TASP1: variants seen among roughly 807,000 people sequenced by gnomAD.
The protein encoded by TASP1 is threonine aspartase 1.
In TASP1, 16 loss-of-function variants were observed where a neutral mutation model predicts 56.6. The ratio of observed to expected loss-of-function variants is 0.28; its 90% CI spans 0.19 to 0.43. The LOEUF (loss-of-function observed/expected upper bound fraction) is 0.43. TASP1 is among the 20% of genes least tolerant of loss of function. TASP1 has a pLI of 1.00. For synonymous variants in TASP1, 179 were observed against 184.2 expected (o/e 0.97, Z 0.23); for missense variants, 393 against 511.6 (o/e 0.77, Z 2.24).
the TASP1 span, among the ~76,000 whole-genome samples, chr20:13,268,225 T>G: frequency 6.6e-6 from 1 of 150,980 alleles, no homozygotes; most frequent in Non-Finnish European, 1.5e-5. Context: ...CTTCTCTTTC[T>G]CTCTTCTATT....
chr20:13,434,053 T>C (rs762999886), intron 12 of TASP1, among the ~76,000 whole-genome samples: 36 of 152,132 alleles, frequency 2.4e-4, no homozygotes, highest in African/African-American at 6.0e-4. Flanking sequence ...GAACTAACCA[T>C]GGTGTTAAAA....
the TASP1 span, among the ~76,000 whole-genome samples, chr20:13,346,089 C>A: frequency 6.6e-6 from 1 of 152,068 alleles, no homozygotes; most frequent in African/African-American, 2.4e-5. Context: ...TCATGACTTA[C>A]ACAGTGCTTT....
the TASP1 span, among the ~76,000 whole-genome samples, chr20:13,283,347 G>A: frequency 1.3e-5 from 2 of 152,166 alleles, no homozygotes; most frequent in Non-Finnish European, 2.9e-5. Context: ...TGTATCTCGG[G>A]GCGTGCAGCC....
the TASP1 span, among the ~76,000 whole-genome samples, chr20:13,208,512 T>G: frequency 6.6e-6 from 1 of 152,184 alleles, no homozygotes; most frequent in East Asian, 1.9e-4. Context: ...ATCTATACCC[T>G]CTGCAATGCA....
the TASP1 span, among the ~76,000 whole-genome samples, chr20:13,319,190 T>C: frequency 2.0e-5 from 3 of 151,858 alleles, no homozygotes; most frequent in Non-Finnish European, 4.4e-5. Context: ...TCTGAAACAA[T>C]AGTCTATTTT....
chr20:13,488,267 C>A (rs1421846262), intron 10 of TASP1, among the ~76,000 whole-genome samples: 5 of 151,540 alleles, frequency 3.3e-5, no homozygotes, highest in Non-Finnish European at 7.4e-5. Flanking sequence ...AAGCTCTGGA[C>A]CAAAGGCAAC....
intron 12 of TASP1, among the ~76,000 whole-genome samples, chr20:13,421,193 C>A (rs1451839439): frequency 6.6e-6 from 1 of 150,544 alleles, no homozygotes; most frequent in Non-Finnish European, 1.5e-5. Context: ...GCTCACTACA[C>A]CCTCCACCTC....
chr20:13,133,257 G>A, the TASP1 span, among the ~76,000 whole-genome samples: 57 of 152,110 alleles, frequency 3.7e-4, no homozygotes, highest in African/African-American at 1.3e-3. Context: ...AACAGCTTGC[G>A]GACCCTCTAC....
chr20:13,128,921 A>C, the TASP1 span, among the ~76,000 whole-genome samples: 1 of 148,506 alleles, frequency 6.7e-6, no homozygotes, highest in Non-Finnish European at 1.5e-5. Flanking sequence ...TTGTCACCCA[A>C]GCTGGAGTAC....
chr20:13,329,789 G>A, the TASP1 span, among the ~76,000 whole-genome samples: 17 of 152,002 alleles, frequency 1.1e-4, no homozygotes, highest in South Asian at 3.5e-3. Flanking sequence ...CAACAGTTAG[G>A]ACTTCCAGTA....
intron 11 of TASP1, among the ~76,000 whole-genome samples, chr20:13,440,843 C>CAAGTCATTGAACCTCTCTGAAACTGAGG (rs2043188748): frequency 6.6e-6 from 1 of 152,136 alleles, no homozygotes; most frequent in African/African-American, 2.4e-5. Context: ...GGAAATATGG[C>CAAGTCATTGAACCTCTCTGAAACTGAGG]TTCCCCCAGC....
At chr20:13,558,904 A>G in intron 8 of TASP1, 104 bp downstream of exon 8, 1 of 615,072 alleles carries the variant, frequency 1.6e-6, no homozygotes, top group Non-Finnish European at 2.6e-6. Context: ...CATATGTGAC[A>G]CACATTCTAT....
chr20:13,481,563 C>T (rs527377793), intron 11 of TASP1, among the ~76,000 whole-genome samples: 31 of 152,264 alleles, frequency 2.0e-4, no homozygotes, highest in African/African-American at 7.2e-4. Flanking sequence ...TCTCTTTTCT[C>T]TGCATCTTCA....
chr20:13,543,075 A>T (rs1423361041), intron 8 of TASP1, among the ~76,000 whole-genome samples: 2 of 152,172 alleles, frequency 1.3e-5, no homozygotes, highest in African/African-American at 4.8e-5. Context: ...ATTGGCAATC[A>T]CTTTCTCTGT....
At chr20:13,393,654 C>A in intron 13 of TASP1, 2 of 1,303,020 alleles carry the variant, frequency 1.5e-6, no homozygotes, top group Non-Finnish European at 2.2e-6. Context: ...CCTCATGGCC[C>A]ACATGGCCTC....
At chr20:13,157,273 C>CCA in the TASP1 span, among the ~76,000 whole-genome samples, 6 of 143,638 alleles carry the variant, frequency 4.2e-5, no homozygotes, top group Non-Finnish European at 7.6e-5. Flanking sequence ...ACTAAAAGTA[C>CCA]AAAAAAAAAA....
At chr20:13,364,886 T>C in the TASP1 span, among the ~76,000 whole-genome samples, 1 of 152,182 alleles carries the variant, frequency 6.6e-6, no homozygotes, top group Non-Finnish European at 1.5e-5. Context: ...TGTTTGCCAC[T>C]CTGGCTACAG....
At chr20:13,384,401 G>A (rs1292399419), downstream of TASP1, among the ~76,000 whole-genome samples, 1 of 152,120 alleles carries the variant, frequency 6.6e-6, no homozygotes, top group African/African-American at 2.4e-5. Flanking sequence ...CTTGGCTGAT[G>A]GTCTTCTGGA....
intron 13 of TASP1, among the ~76,000 whole-genome samples, chr20:13,391,325 G>A (rs2041267380): frequency 6.6e-6 from 1 of 152,202 alleles, no homozygotes; most frequent in Non-Finnish European, 1.5e-5. Flanking sequence ...AAGACAGTAA[G>A]CACTTCACTC....
Sources: gnomAD v4.1 joint callset for allele counts (sites outside exome capture counted in the v4.1 genomes callset) on GRCh38, gnomAD v4.1.1 for gene constraint, MANE v1.5 for transcripts, NCBI Gene and HGNC (gene_info 2026-07-23, HGNC 2026-07-21) for gene names.